Variants in ATF6 observed in about 807,000 individuals in gnomAD.
ATF6 encodes the protein cyclic AMP-dependent transcription factor ATF-6 alpha.
In ATF6, 53 loss-of-function variants were observed where a neutral mutation model predicts 83.6. The observed-to-expected ratio is 0.63, with a 90% CI of 0.51 to 0.80. The LOEUF (loss-of-function observed/expected upper bound fraction) is 0.80. Ranked by LOEUF, ATF6 falls within the 30% of genes least tolerant of loss-of-function variation. The pLI is 0.00. For missense variants in ATF6, 744 were observed against 797.9 expected, an observed-to-expected ratio of 0.93 and a Z score of 0.81; for synonymous variants, 288 against 285.8, an observed-to-expected ratio of 1.01 and a Z score of -0.08.
intron 9 of ATF6, among the ~76,000 whole-genome samples, chr1:161,836,757 T>C (rs955752219): frequency 6.6e-6 from 1 of 152,192 alleles, no homozygotes. Flanking sequence ...ATAAGGAGCA[T>C]CCTAGTGGCT....
chr1:161,767,865 CT>C (rs952183097), intron 1 of ATF6, among the ~76,000 whole-genome samples: 107 of 152,132 alleles, frequency 7.0e-4, no homozygotes, highest in African/African-American at 2.6e-3. Context: ...TTCTTTACCT[CT>C]TTTTTTGAGA....
chr1:161,874,667 C>G (rs1002745481), intron 14 of ATF6, among the ~76,000 whole-genome samples: 1 of 151,450 alleles, frequency 6.6e-6, no homozygotes, highest in Admixed American at 6.6e-5. Context: ...TTTGAAGTTC[C>G]TTAAAGAGGT....
intron 13 of ATF6, among the ~76,000 whole-genome samples, chr1:161,861,129 T>C (rs557013464): frequency 6.6e-5 from 10 of 152,262 alleles, no homozygotes; most frequent in Non-Finnish European, 1.0e-4. Flanking sequence ...CCCCCCAAAA[T>C]GGTAAATGAT....
intron 14 of ATF6, among the ~76,000 whole-genome samples, chr1:161,892,625 A>AT (rs1687580698): frequency 7.6e-6 from 1 of 132,438 alleles, no homozygotes; most frequent in African/African-American, 2.9e-5. Flanking sequence ...TATACAGGTC[A>AT]TTCTTTTTTT....
In ATF6 at chr1:161,911,728, C is replaced by G. The variant is rs112659538; in HGVS notation, c.1720-568C>G. On this transcript the variant is annotated intron_variant, in intron 14 of 15. Coordinates refer to ENST00000367942, the MANE Select transcript of ATF6 (RefSeq NM_007348.4). ...CTCTAGGCCTTGGCCCTGCTTCAGT[C>G]AGAATCTTTCTTGTACATGTTGATA... 2.3e-3 allele frequency among the ~76,000 whole-genome samples: 351 copies of G among 152,294 alleles called. 3 individuals are homozygous for G. The highest frequency in any genetic ancestry group is 7.9e-3 in the African/African-American group (327 of 41,550).
At chr1:161,820,545 G>A (rs938059664) in intron 8 of ATF6, among the ~76,000 whole-genome samples, 13 of 152,150 alleles carry the variant, frequency 8.5e-5, no homozygotes, top group Non-Finnish European at 1.9e-4. Flanking sequence ...AAGGTCAGGA[G>A]ATCAAGACCA....
At chr1:161,881,080 C>T (rs764663030) in intron 14 of ATF6, among the ~76,000 whole-genome samples, 1 of 152,012 alleles carries the variant, frequency 6.6e-6, no homozygotes, top group Non-Finnish European at 1.5e-5. Flanking sequence ...AAATCTTTCC[C>T]GATTTTTTAT....
chr1:161,800,057 C>T (rs192972977), intron 6 of ATF6, among the ~76,000 whole-genome samples: 32 of 152,136 alleles, frequency 2.1e-4, no homozygotes, highest in African/African-American at 7.2e-4. Flanking sequence ...CTTTCAGCAC[C>T]TTATAAAAAT....
At chr1:161,827,828 C>T (rs1685940165) in intron 9 of ATF6, among the ~76,000 whole-genome samples, 1 of 151,888 alleles carries the variant, frequency 6.6e-6, no homozygotes, top group South Asian at 2.1e-4. Flanking sequence ...ATAGACGTCA[C>T]ACAGGAAAAA....
intron 7 of ATF6, among the ~76,000 whole-genome samples, chr1:161,816,842 T>C (rs1198085506): frequency 6.6e-6 from 1 of 152,206 alleles, no homozygotes; most frequent in African/African-American, 2.4e-5. Context: ...AATGTGTGTA[T>C]GTTTAGCCTA....
rs764946627 is a variant in ATF6 at position 161,851,805 on chromosome 1, A to C, written c.1403A>C (p.Gln468Pro). The change falls in exon 11 of 16, where the codon CAG becomes CCG. Residue 468 changes from glutamine (Q) to proline (P), a missense_variant. By Grantham distance (76) the Gln-to-Pro change is moderately conservative. Coordinates refer to ENST00000367942, the MANE Select transcript of ATF6 (RefSeq NM_007348.4). ...CTTTACATTCCTCCACCTCCTTGTCAGCCCCTAATTAACACAACAGAGTCT... is the reference window on the plus strand; with the variant it reads ...CTTTACATTCCTCCACCTCCTTGTCCGCCCCTAATTAACACAACAGAGTCT... ...PLLYIPPPPCQPLINTTESLR... is the reference protein window; with the variant it reads ...PLLYIPPPPCPPLINTTESLR... 1 of 1,613,738 alleles carries C rather than the reference A, an allele frequency of 6.2e-7. No individual in the cohort carries two copies. The highest frequency in any genetic ancestry group is 8.5e-7 in the Non-Finnish European group (1 of 1,179,660).
intron 4 of ATF6, 135 bp downstream of exon 4, chr1:161,784,231 C>G (rs1684698301): frequency 1.6e-6 from 1 of 637,068 alleles, no homozygotes; most frequent in African/African-American, 1.9e-5. Flanking sequence ...AACTGAGACT[C>G]AAGAAAGAGC....
intron 15 of ATF6, among the ~76,000 whole-genome samples, chr1:161,915,393 G>A (rs1029555507): frequency 6.6e-6 from 1 of 152,110 alleles, no homozygotes; most frequent in Non-Finnish European, 1.5e-5. Flanking sequence ...GAGTAAAAAA[G>A]CTTTAAATAG....
At chr1:161,787,012 G>A (rs763273122) in intron 4 of ATF6, among the ~76,000 whole-genome samples, 6 of 152,148 alleles carry the variant, frequency 3.9e-5, no homozygotes, top group Non-Finnish European at 7.4e-5. Context: ...TTTCTTAGTC[G>A]GGTTTGTCTG....
intron 1 of ATF6, among the ~76,000 whole-genome samples, chr1:161,776,933 A>C (rs1302273849): frequency 6.6e-6 from 1 of 152,228 alleles, no homozygotes. Context: ...TGTTAGGGAG[A>C]TGAGGAAGAA....
intron 4 of ATF6, among the ~76,000 whole-genome samples, chr1:161,786,830 A>G (rs1684758869): frequency 6.6e-6 from 1 of 152,236 alleles, no homozygotes; most frequent in Non-Finnish European, 1.5e-5. Flanking sequence ...ATTGTGCCAG[A>G]CATCCCAGAG....
chr1:161,809,184 T>C (rs1446764066), intron 7 of ATF6, among the ~76,000 whole-genome samples: 1 of 152,146 alleles, frequency 6.6e-6, no homozygotes, highest in Non-Finnish European at 1.5e-5. Flanking sequence ...CCTAATGCTA[T>C]CCCTCCCACC....
chr1:161,833,043 C>T lies in ATF6; in HGVS notation c.1187+11882C>T, dbSNP rs184784339. Among the ~76,000 whole-genome samples, 1,112 of 152,302 alleles carry T rather than the reference C, an allele frequency of 7.3e-3. 10 individuals are homozygous for T. The highest frequency in any genetic ancestry group is 0.025 in the African/African-American group (1,058 of 41,556). ...CTGACACCTCACACAGCTGGGTACT[C>T]CTCTGAGACAAAACTTCCAGAGGAA... is the stretch of plus-strand genomic sequence containing the variant. On this transcript the variant is annotated intron_variant, in intron 9 of 15. Transcript: ENST00000367942.
At chr1:161,906,263 A>G (rs779037017) in intron 14 of ATF6, among the ~76,000 whole-genome samples, 2 of 152,262 alleles carry the variant, frequency 1.3e-5, no homozygotes, top group African/African-American at 2.4e-5. Flanking sequence ...GACCTGGTTT[A>G]GAAACATTTT....
Sources: gnomAD v4.1 joint callset for allele counts (sites outside exome capture counted in the v4.1 genomes callset) on GRCh38, gnomAD v4.1.1 for gene constraint, MANE v1.5 for transcripts, NCBI Gene and HGNC (gene_info 2026-07-23, HGNC 2026-07-21) for gene names.